The following NDST4 variants were observed in gnomAD, a reference collection of about 807,000 sequenced individuals.
The protein encoded by NDST4 is N-deacetylase and N-sulfotransferase 4, also known as N-heparan sulfate sulfotransferase 4.
In NDST4, 63 loss-of-function variants were observed where a neutral mutation model predicts 100.8. That is an observed-to-expected ratio of 0.62 (90% CI 0.51 to 0.77). The LOEUF is 0.77. NDST4 is among the 30% of genes least tolerant of loss of function. The pLI is 0.00. For missense variants in NDST4, 943 were observed against 1,018.4 expected (o/e 0.93, Z 1.01); for synonymous variants, 377 against 361.8 (o/e 1.04, Z -0.48).
At chr4:114,884,011 T>C (rs995219188) in intron 6 of NDST4, among the ~76,000 whole-genome samples, 3 of 152,086 alleles carry the variant, frequency 2.0e-5, no homozygotes, top group African/African-American at 7.2e-5. Context: ...TAAAGACTCA[T>C]ATGAAATAGA....
chr4:115,104,039 A>G (rs1729789095), intron 1 of NDST4, among the ~76,000 whole-genome samples: 3 of 152,280 alleles, frequency 2.0e-5, no homozygotes, highest in Admixed American at 1.3e-4. Context: ...TCACTTAGCA[A>G]ACTGGTTTGG....
chr4:114,982,685 A>G (rs1726803531), intron 2 of NDST4, among the ~76,000 whole-genome samples: 1 of 152,210 alleles, frequency 6.6e-6, no homozygotes, highest in South Asian at 2.1e-4. Flanking sequence ...GGAGGAATTC[A>G]AGCCCAAGCC....
At chr4:115,061,592 G>T (rs1446954421) in intron 2 of NDST4, among the ~76,000 whole-genome samples, 1 of 150,246 alleles carries the variant, frequency 6.7e-6, no homozygotes, top group African/African-American at 2.5e-5. Context: ...ATTGACACAG[G>T]GAGGGGAACA....
intron 8 of NDST4, among the ~76,000 whole-genome samples, chr4:114,848,862 T>C (rs1301527055): frequency 6.6e-6 from 1 of 152,202 alleles, no homozygotes; most frequent in African/African-American, 2.4e-5. Flanking sequence ...AGTCCCTGTG[T>C]GGACTTGGAC....
intron 6 of NDST4, among the ~76,000 whole-genome samples, chr4:114,888,748 C>T (rs1188755180): frequency 6.6e-6 from 1 of 152,074 alleles, no homozygotes; most frequent in African/African-American, 2.4e-5. Flanking sequence ...TTGTCTTTGT[C>T]ACTGCTTGCA....
chr4:114,906,128 G>A (rs577137999), intron 6 of NDST4, among the ~76,000 whole-genome samples: 19 of 151,922 alleles, frequency 1.3e-4, no homozygotes, highest in South Asian at 2.1e-4. Context: ...TATAAAATAC[G>A]AAGCTGAAAA....
intron 4 of NDST4, among the ~76,000 whole-genome samples, chr4:114,962,212 G>A (rs746389747): frequency 7.9e-5 from 12 of 152,052 alleles, no homozygotes; most frequent in East Asian, 5.8e-4. Context: ...GCCTAATGGC[G>A]AAAGACTGCA....
At chr4:114,929,148 CT>C (rs1463547692) in intron 6 of NDST4, among the ~76,000 whole-genome samples, 1 of 148,326 alleles carries the variant, frequency 6.7e-6, no homozygotes, top group African/African-American at 2.5e-5. Flanking sequence ...ATCTATCTAT[CT>C]ATCTATCTAT....
At chr4:115,104,127 G>A (rs1449256012) in intron 1 of NDST4, among the ~76,000 whole-genome samples, 1 of 152,120 alleles carries the variant, frequency 6.6e-6, no homozygotes, top group Non-Finnish European at 1.5e-5. Flanking sequence ...CAAAGAATAG[G>A]AGTGAAAGTG....
intron 2 of NDST4, among the ~76,000 whole-genome samples, chr4:115,061,621 C>T (rs1429876392): frequency 3.4e-5 from 5 of 147,836 alleles, no homozygotes; most frequent in South Asian, 2.2e-4. Context: ...TGGGGTCTGT[C>T]GGGGGTGAGG....
chr4:114,985,177 A>G (rs897762118), intron 2 of NDST4, among the ~76,000 whole-genome samples: 4 of 151,978 alleles, frequency 2.6e-5, no homozygotes, highest in African/African-American at 9.7e-5. Context: ...CTGAAATCAC[A>G]CTCAATCTGA....
At chr4:114,842,485 G>T (rs921110445) in intron 10 of NDST4, among the ~76,000 whole-genome samples, 1 of 151,632 alleles carries the variant, frequency 6.6e-6, no homozygotes, top group African/African-American at 2.4e-5. Flanking sequence ...AGAAAAAAAA[G>T]AAAAACGACA....
At chr4:115,033,157 A>ATATATATTTT (rs1491126767) in intron 2 of NDST4, among the ~76,000 whole-genome samples, 3 of 59,946 alleles carry the variant, frequency 5.0e-5, no homozygotes, top group African/African-American at 1.7e-4. Flanking sequence ...ATATATATAT[A>ATATATATTTT]TTTTTTTTTT....
intron 2 of NDST4, among the ~76,000 whole-genome samples, chr4:115,018,629 C>T (rs74965984): frequency 0.015 from 2,275 of 151,892 alleles, 65 homozygotes; most frequent in African/African-American, 0.052. Context: ...TTGTCAAGGA[C>T]CTTGGGCAGA....
chr4:114,985,591 G>C (rs1233609388), intron 2 of NDST4, among the ~76,000 whole-genome samples: 2 of 152,142 alleles, frequency 1.3e-5, no homozygotes, highest in African/African-American at 4.8e-5. Flanking sequence ...GCTAGGTATG[G>C]AGTTAGAAAG....
chr4:115,090,753 A>G (rs762972269), intron 1 of NDST4, among the ~76,000 whole-genome samples: 1 of 152,102 alleles, frequency 6.6e-6, no homozygotes, highest in African/African-American at 2.4e-5. Context: ...ACAGGTTACT[A>G]AACTAAAGAA....
intron 4 of NDST4, among the ~76,000 whole-genome samples, chr4:114,937,823 A>G (rs948840132): frequency 1.3e-5 from 2 of 150,084 alleles, no homozygotes; most frequent in East Asian, 2.0e-4. Context: ...GAAAGGTGTC[A>G]TTTGAGGAAG....
intron 6 of NDST4, among the ~76,000 whole-genome samples, chr4:114,899,180 T>G (rs1221660208): frequency 6.6e-6 from 1 of 151,982 alleles, no homozygotes; most frequent in East Asian, 1.9e-4. Flanking sequence ...TCGTTTTTTG[T>G]TTTTGTTTTT....
At chr4:114,927,822 A>C (rs1201459840) in intron 6 of NDST4, among the ~76,000 whole-genome samples, 1 of 152,170 alleles carries the variant, frequency 6.6e-6, no homozygotes, top group Non-Finnish European at 1.5e-5. Context: ...AATCCAGCAT[A>C]GATTGGCTTT....
Sources: gnomAD v4.1 joint callset for allele counts (sites outside exome capture counted in the v4.1 genomes callset) on GRCh38, gnomAD v4.1.1 for gene constraint, MANE v1.5 for transcripts, NCBI Gene and HGNC (gene_info 2026-07-23, HGNC 2026-07-21) for gene names.